Variants in CHRM5 observed in about 807,000 individuals in gnomAD.
The protein encoded by CHRM5 is cholinergic receptor muscarinic 5, also known as muscarinic acetylcholine receptor M5.
Under a neutral mutation model 39.0 loss-of-function variants are expected in CHRM5, and 18 were observed. That is an observed-to-expected ratio of 0.46 (90% CI 0.32 to 0.68). CHRM5 has a LOEUF of 0.68. CHRM5 is among the 30% of genes least tolerant of loss of function. The probability of loss-of-function intolerance (pLI) is 0.04; values close to 1 mark genes in which losing one functional copy is unlikely to be tolerated. For synonymous variants in CHRM5, 241 were observed against 246.3 expected (o/e 0.98, Z 0.20); for missense variants, 515 against 651.1 (o/e 0.79, Z 2.28).
At chr15:34,019,967 A>G (rs1898127982) in intron 1 of CHRM5, among the ~76,000 whole-genome samples, 1 of 152,242 alleles carries the variant, frequency 6.6e-6, no homozygotes, top group Admixed American at 6.5e-5. Context: ...TAATGCATAC[A>G]ACAAGTTCAA....
chr15:34,018,400 G>A (rs974814078), intron 1 of CHRM5: 2 of 152,282 alleles, frequency 1.3e-5, no homozygotes, highest in Middle Eastern at 3.4e-3. Flanking sequence ...CAGATGTGTC[G>A]AGTTTCTTCC....
chr15:33,994,233 T>C (rs1187892728), intron 1 of CHRM5, among the ~76,000 whole-genome samples: 2 of 152,214 alleles, frequency 1.3e-5, no homozygotes, highest in Non-Finnish European at 2.9e-5. Context: ...AGCAGCAGCA[T>C]TCGATTCTCA....
chr15:34,063,646 A>C lies in CHRM5; in HGVS notation c.929A>C (p.Glu310Ala), dbSNP rs765851212. Reference sequence around the variant, plus strand: ...ACCTGTAGCAGCTACCCTTCCTCAGAGGATGAGGACAAGCCCGCCACTGAC... The same window carrying C: ...ACCTGTAGCAGCTACCCTTCCTCAGCGGATGAGGACAAGCCCGCCACTGAC... ...LTTCSSYPSS[E>A]DEDKPATDPV... Residue 310 changes from glutamate (E) to alanine (A), a missense_variant, in exon 3 of 3, where the codon GAG becomes GCG. Coordinates refer to ENST00000383263, the MANE Select transcript of CHRM5 (RefSeq NM_012125.4). This position sits in a 1 kb window ranked among gnomAD's most constrained non-coding sequence, Gnocchi z 4.1. The C allele has an allele frequency of 8.1e-6, 13 of 1,614,128 alleles. No individual in the cohort carries two copies. The South Asian group carries it at 1.4e-4, about 18-fold the overall frequency.
At chr15:34,029,972 A>G (rs1898693289) in intron 1 of CHRM5, among the ~76,000 whole-genome samples, 1 of 152,106 alleles carries the variant, frequency 6.6e-6, no homozygotes, top group African/African-American at 2.4e-5. Context: ...ATAAATTCCA[A>G]GCCGAGCATG....
intron 2 of CHRM5, among the ~76,000 whole-genome samples, chr15:34,048,160 G>A (rs1319723794): frequency 6.6e-6 from 1 of 152,212 alleles, no homozygotes; most frequent in African/African-American, 2.4e-5. Context: ...ACAGGCGTAA[G>A]CCACCACACC....
At chr15:34,031,635 ATT>A (rs200508300) in intron 1 of CHRM5, among the ~76,000 whole-genome samples, 1 of 151,172 alleles carries the variant, frequency 6.6e-6, no homozygotes, top group Admixed American at 6.6e-5. Context: ...TTAATCTCCT[ATT>A]TTTTTTTGGA....
chr15:34,010,111 C>T (rs756642470), intron 1 of CHRM5, among the ~76,000 whole-genome samples: 1 of 152,046 alleles, frequency 6.6e-6, no homozygotes, highest in Non-Finnish European at 1.5e-5. Context: ...AAGCCCCTAC[C>T]TTTAATATGG....
intron 1 of CHRM5, among the ~76,000 whole-genome samples, chr15:33,998,679 T>G (rs1156912067): frequency 6.6e-6 from 1 of 152,184 alleles, no homozygotes; most frequent in African/African-American, 2.4e-5. Context: ...ACCTTCCTGT[T>G]AAATTTAACA....
chr15:34,039,411 GAAA>G (rs11422920), intron 1 of CHRM5, among the ~76,000 whole-genome samples: 1 of 151,396 alleles, frequency 6.6e-6, no homozygotes, highest in African/African-American at 2.4e-5. Flanking sequence ...TGAACTCTCG[GAAA>G]AAAAAAGTTT....
chr15:33,995,612 C>CGT (rs1896900784), intron 1 of CHRM5, among the ~76,000 whole-genome samples: 1 of 152,186 alleles, frequency 6.6e-6, no homozygotes, highest in Admixed American at 6.5e-5. Context: ...CCTAATTAAA[C>CGT]TAAAGAGTTT....
intron 1 of CHRM5, among the ~76,000 whole-genome samples, chr15:34,006,322 A>C (rs1897340394): frequency 2.6e-5 from 4 of 152,100 alleles, no homozygotes; most frequent in Admixed American, 6.6e-5. Context: ...AAAAAAAAAA[A>C]AACAGCCTTG....
At chr15:34,025,044 G>A (rs1054150011) in intron 1 of CHRM5, among the ~76,000 whole-genome samples, 6 of 151,608 alleles carry the variant, frequency 4.0e-5, no homozygotes, top group African/African-American at 1.5e-4. Context: ...GGTGGTAGGA[G>A]CCTGTAATCC....
At chr15:33,970,979 C>G (rs1035046892) in intron 1 of CHRM5, among the ~76,000 whole-genome samples, 2 of 151,806 alleles carry the variant, frequency 1.3e-5, no homozygotes, top group Non-Finnish European at 2.9e-5. Context: ...CTATAATAAC[C>G]CATTCAGAAA....
intron 1 of CHRM5, chr15:34,003,234 TA>T: frequency 6.2e-7 from 1 of 1,609,806 alleles, no homozygotes; most frequent in Non-Finnish European, 8.5e-7. Flanking sequence ...GACAAATCAA[TA>T]AGTAAGCAGT....
At chr15:33,994,993 G>C (rs1335035246) in intron 1 of CHRM5, among the ~76,000 whole-genome samples, 1 of 152,164 alleles carries the variant, frequency 6.6e-6, no homozygotes, top group African/African-American at 2.4e-5. Flanking sequence ...CAGGCACAGT[G>C]GCTCACACCT....
rs141468819 is a variant in CHRM5, at chr15:34,063,902, T to A, written c.1185T>A (p.Asn395Lys). The A allele has an allele frequency of 1.2e-6, 2 of 1,614,134 alleles. No homozygotes were observed. The highest frequency in any genetic ancestry group is 1.7e-6 in the Non-Finnish European group (2 of 1,180,020). Residue 395 changes from asparagine (N) to lysine (K), a missense_variant, in exon 3 of 3, where the codon AAT becomes AAA. By Grantham distance (94) the Asn-to-Lys change is moderately conservative (BLOSUM62 0). Coordinates refer to ENST00000383263, the MANE Select transcript of CHRM5 (RefSeq NM_012125.4). The surrounding 1 kb of genome is among the most constrained non-coding windows in gnomAD (Gnocchi z 4.1). ...VKADGNQETN[N>K]GCHKVKIMPC... is the part of the protein sequence containing the mutation. ...CTGACGGGAACCAGGAGACCAACAA[T>A]GGCTGTCACAAGGTGAAAATCATGC...
At chr15:34,061,562 T>A (rs1900336729) in intron 2 of CHRM5, among the ~76,000 whole-genome samples, 2 of 152,230 alleles carry the variant, frequency 1.3e-5, no homozygotes, top group African/African-American at 4.8e-5. Flanking sequence ...TGCCAAAATA[T>A]ACACTAAACT....
chr15:34,022,568 A>C (rs1206470196), intron 1 of CHRM5, among the ~76,000 whole-genome samples: 1 of 152,224 alleles, frequency 6.6e-6, no homozygotes, highest in Admixed American at 6.5e-5. Flanking sequence ...ACAAACTTTG[A>C]GGCTGGGCCA....
At chr15:34,050,904 A>G (rs553961611) in intron 2 of CHRM5, among the ~76,000 whole-genome samples, 1 of 152,326 alleles carries the variant, frequency 6.6e-6, no homozygotes, top group Non-Finnish European at 1.5e-5. Flanking sequence ...TAATAGTGGG[A>G]GACTTTAACA....
Sources: allele counts gnomAD v4.1 joint callset (sites outside exome capture counted in the v4.1 genomes callset), GRCh38; gene constraint gnomAD v4.1.1; non-coding constraint Gnocchi (gnomAD v3.1); transcripts MANE v1.5; gene names NCBI Gene and HGNC (gene_info 2026-07-23, HGNC 2026-07-21).